Variants in DNAJC5 observed in about 807,000 individuals in gnomAD.
The protein encoded by DNAJC5 is dnaJ homolog subfamily C member 5.
In DNAJC5, 1 loss-of-function variant was observed where a neutral mutation model predicts 23.2. The observed-to-expected ratio is 0.04, with a 90% CI of 0.02 to 0.20. DNAJC5 has a LOEUF of 0.20. DNAJC5 is among the 10% of genes least tolerant of loss of function. The pLI is 1.00. For synonymous variants in DNAJC5, 136 were observed against 120.0 expected (o/e 1.13, Z -0.87); for missense variants, 180 against 267.0 (o/e 0.67, Z 2.27).
rs764619077 is a variant in DNAJC5, at chr20:63,897,640, A to G, written c.-12+2317A>G. ...GCTTTTAGAAATTTTGTCTTTGATT[A>G]CCAGGAAAAACCCTACATGCTAGTC... On this transcript the variant is annotated intron_variant, in intron 1 of 4. Coordinates refer to ENST00000360864, the MANE Select transcript of DNAJC5 (RefSeq NM_025219.3). Among the ~76,000 whole-genome samples the G allele has an allele frequency of 2.0e-4, 31 of 152,234 alleles. 1 individual carries two copies. Among genetic ancestry groups the G allele is most frequent in the Admixed American group, 3.3e-4 (5 of 15,288 alleles).
At chr20:63,906,988 A>G (rs370638635) in intron 1 of DNAJC5, among the ~76,000 whole-genome samples, 5 of 151,672 alleles carry the variant, frequency 3.3e-5, no homozygotes, top group South Asian at 2.1e-4. Context: ...TGTAGTCCCA[A>G]CTACTTCGGA....
At chr20:63,918,776 T>TA (rs1189880290) in intron 1 of DNAJC5, among the ~76,000 whole-genome samples, 1 of 152,142 alleles carries the variant, frequency 6.6e-6, no homozygotes, top group Non-Finnish European at 1.5e-5. Flanking sequence ...TTTGTATTTT[T>TA]GTAGAGACGG....
intron 1 of DNAJC5, among the ~76,000 whole-genome samples, chr20:63,901,233 G>C (rs1197181468): frequency 6.6e-6 from 1 of 152,194 alleles, no homozygotes; most frequent in African/African-American, 2.4e-5. Context: ...CCAAGGTGCT[G>C]GGTTTACAGG....
chr20:63,919,322 G>A (rs190028715), intron 1 of DNAJC5: 45 of 492,798 alleles, frequency 9.1e-5, no homozygotes, highest in Admixed American at 1.7e-4. Flanking sequence ...TCGATGCATC[G>A]TAACTGTTGA....
Position 63,932,015 on chromosome 20 carries a change from G to A in DNAJC5, c.*447G>A, listed in dbSNP as rs758406047. 1.2e-5 allele frequency: 4 copies of A among 322,514 alleles called. No homozygotes were observed. Among genetic ancestry groups the A allele is most frequent in the Non-Finnish European group, 1.8e-5 (3 of 164,616 alleles). 20.0% of individuals were successfully genotyped at this position (322,514 alleles called of 1,614,324 possible). On this transcript the variant is annotated 3_prime_UTR_variant, in exon 5 of 5. Coordinates refer to ENST00000360864, the MANE Select transcript of DNAJC5 (RefSeq NM_025219.3). The surrounding 1 kb of genome is among the most constrained non-coding windows in gnomAD (Gnocchi z 4.4). ...TGCTGCCTGGCAGAGCTGTGTTACC[G>A]TCTTGGCCTCGGGGTCTGGTCCACA... is the stretch of plus-strand genomic sequence containing the variant.
At chr20:63,925,439 C>T (rs941453849) in intron 1 of DNAJC5, among the ~76,000 whole-genome samples, 3 of 152,136 alleles carry the variant, frequency 2.0e-5, no homozygotes, top group Admixed American at 6.5e-5. Flanking sequence ...ACTGAGGTCA[C>T]ACCACTGCAC....
At chr20:63,911,227 C>G (rs369833304) in intron 1 of DNAJC5, among the ~76,000 whole-genome samples, 13 of 152,178 alleles carry the variant, frequency 8.5e-5, no homozygotes, top group Admixed American at 1.3e-4. Flanking sequence ...TTCTCTGTAG[C>G]TAATCATACC....
Position 63,931,272 on chromosome 20 carries a change from T to TG in DNAJC5, c.494-189dup. ...GAGGCGGGGCAGGGCGGCAGGCAGT[T>TG]GGGGCGGGGCTGAGGGCCGAGGGCT... On this transcript the variant is annotated intron_variant, in intron 4 of 4. Transcript: ENST00000360864. This position sits in a 1 kb window ranked among gnomAD's most constrained non-coding sequence, Gnocchi z 9.6. 1.3e-6 allele frequency: 1 copy of TG among 786,232 alleles called. No individual in the cohort carries two copies. Among genetic ancestry groups the TG allele is most frequent in the Admixed American group, 2.0e-5 (1 of 49,534 alleles). The allele number at this position is 786,232 out of a possible 1,614,324, so 48.7% of individuals were successfully genotyped here.
At chr20:63,904,468 T>TTA (rs1345119589) in intron 1 of DNAJC5, among the ~76,000 whole-genome samples, 1 of 152,152 alleles carries the variant, frequency 6.6e-6, no homozygotes, top group Admixed American at 6.5e-5. Flanking sequence ...TGAAAATACT[T>TTA]TAAGACAAGG....
At position 63,931,402 on chromosome 20, in the gene DNAJC5, A is replaced by G. The variant is rs771354928; in HGVS notation, c.494-63A>G. 1.9e-4 allele frequency: 273 copies of G among 1,458,714 alleles called. No individual in the cohort carries two copies. Among genetic ancestry groups the G allele is most frequent in the Admixed American group, 4.5e-4 (23 of 50,890 alleles). The allele number at this position is 1,458,714 out of a possible 1,614,324, so 90.4% of individuals were successfully genotyped here. A position where few individuals can be genotyped will look rare whatever the true frequency, so the allele number is the denominator to read the frequency against. ...AGGTGCCCGAAAGTCGCTCCACAGGACCAGCGTTGGGTGCGCGCCAGGCTG... is the reference window on the plus strand; with the variant it reads ...AGGTGCCCGAAAGTCGCTCCACAGGGCCAGCGTTGGGTGCGCGCCAGGCTG... On this transcript the variant is annotated intron_variant, in intron 4 of 4. Coordinates refer to ENST00000360864, the MANE Select transcript of DNAJC5 (RefSeq NM_025219.3). This position sits in a 1 kb window ranked among gnomAD's most constrained non-coding sequence, Gnocchi z 9.6.
intron 1 of DNAJC5, among the ~76,000 whole-genome samples, chr20:63,927,488 C>T (rs1358990644): frequency 6.6e-6 from 1 of 151,938 alleles, no homozygotes; most frequent in Admixed American, 6.6e-5. Flanking sequence ...TGTGGTGAGC[C>T]GAGATCGTGC....
chr20:63,923,555 A>T (rs533621640), intron 1 of DNAJC5, among the ~76,000 whole-genome samples: 1 of 152,014 alleles, frequency 6.6e-6, no homozygotes, highest in East Asian at 1.9e-4. Flanking sequence ...CAAGATCCTG[A>T]CTCTATAAAA....
At chr20:63,901,570 C>G (rs913193983) in intron 1 of DNAJC5, among the ~76,000 whole-genome samples, 1 of 152,224 alleles carries the variant, frequency 6.6e-6, no homozygotes, top group East Asian at 1.9e-4. Context: ...AGAGTGGAGG[C>G]GAGCCCAGGC....
rs1458564431 is a variant in DNAJC5, at chr20:63,910,891, T to TCG, written c.-12+15568_-12+15569insCG. Among the ~76,000 whole-genome samples, 6 of 152,220 alleles carry TCG rather than the reference T, an allele frequency of 3.9e-5. No homozygotes were observed. The East Asian group carries it at 1.2e-3, about 30-fold the overall frequency. ...GTTCACCATGTTGGCCAGGCTGGTC[T>TCG]ATCTCCTGACCTCATGATCCGCCTG... On this transcript the variant is annotated intron_variant, in intron 1 of 4. Transcript: ENST00000360864.
intron 1 of DNAJC5, among the ~76,000 whole-genome samples, chr20:63,897,924 GGTTGTATT>G (rs1196681504): frequency 2.6e-5 from 4 of 152,184 alleles, no homozygotes; most frequent in Non-Finnish European, 4.4e-5. Flanking sequence ...CCCTGAAGAT[GGTTGTATT>G]AACGTGGTTC....
chr20:63,910,003 C>T (rs551227321), intron 1 of DNAJC5, among the ~76,000 whole-genome samples: 3 of 152,332 alleles, frequency 2.0e-5, no homozygotes, highest in East Asian at 3.9e-4. Flanking sequence ...GTTGTAGTAA[C>T]GATTCTGCTT....
chr20:63,900,212 A>G (rs1274699787), intron 1 of DNAJC5, among the ~76,000 whole-genome samples: 2 of 151,978 alleles, frequency 1.3e-5, no homozygotes, highest in Non-Finnish European at 2.9e-5. Flanking sequence ...GAGCTCCTGG[A>G]CTCAAGTGAT....
chr20:63,898,565 C>T (rs143199413), intron 1 of DNAJC5, among the ~76,000 whole-genome samples: 33 of 152,184 alleles, frequency 2.2e-4, no homozygotes, highest in African/African-American at 8.0e-4. Flanking sequence ...GCTTCTAGGC[C>T]GGGCACGGTG....
intron 1 of DNAJC5, among the ~76,000 whole-genome samples, chr20:63,927,126 G>C (rs2053622827): frequency 1.3e-5 from 2 of 152,298 alleles, no homozygotes; most frequent in South Asian, 2.1e-4. Flanking sequence ...TTGTCTTAGT[G>C]TACAGCATTC....
Sources: allele counts gnomAD v4.1 joint callset (sites outside exome capture counted in the v4.1 genomes callset), GRCh38; gene constraint gnomAD v4.1.1; non-coding constraint Gnocchi (gnomAD v3.1); transcripts MANE v1.5; gene names NCBI Gene and HGNC (gene_info 2026-07-23, HGNC 2026-07-21).